Variants in CSMD1 observed in about 807,000 individuals in gnomAD.
The protein encoded by CSMD1 is CUB and sushi domain-containing protein 1.
CSMD1 carries 213 observed loss-of-function variants against 417.5 expected under a neutral mutation model. The ratio of observed to expected loss-of-function variants is 0.51; its 90% CI spans 0.46 to 0.57. CSMD1 has a LOEUF of 0.57. Among genes scored for constraint, CSMD1 ranks in the 20% least tolerant of loss-of-function variants. CSMD1 has a pLI of 0.00. For missense variants in CSMD1, 6,923 were observed against 4,529.7 expected (o/e 1.53, Z -15.17); for synonymous variants, 2,862 against 1,736.8 (o/e 1.65, Z -16.11).
At chr8:3,380,797 G>T (rs1810581594) in intron 18 of CSMD1, among the ~76,000 whole-genome samples, 1 of 152,024 alleles carries the variant, frequency 6.6e-6, no homozygotes, top group African/African-American at 2.4e-5. Context: ...TGTAGATGAT[G>T]GGTTGTTGGG....
At chr8:4,006,764 T>G (rs1025794822) in intron 4 of CSMD1, among the ~76,000 whole-genome samples, 2 of 151,832 alleles carry the variant, frequency 1.3e-5, no homozygotes, top group African/African-American at 4.8e-5. Flanking sequence ...CACTATTTAT[T>G]ACGGCTTATA....
intron 3 of CSMD1, among the ~76,000 whole-genome samples, chr8:4,137,894 T>G (rs1022736362): frequency 1.3e-5 from 2 of 152,006 alleles, no homozygotes; most frequent in African/African-American, 4.8e-5. Flanking sequence ...ATTTATTTAC[T>G]TGAGATGAAG....
intron 3 of CSMD1, among the ~76,000 whole-genome samples, chr8:4,415,535 T>C (rs564922502): frequency 6.6e-6 from 1 of 152,354 alleles, no homozygotes; most frequent in African/African-American, 2.4e-5. Flanking sequence ...CCCTGTTTTA[T>C]AAAGCCGGAA....
chr8:3,461,097 C>G (rs1466696227), intron 12 of CSMD1, among the ~76,000 whole-genome samples: 1 of 152,202 alleles, frequency 6.6e-6, no homozygotes, highest in Non-Finnish European at 1.5e-5. Flanking sequence ...TCACCGCAGA[C>G]TCAGGTCCCA....
intron 5 of CSMD1, among the ~76,000 whole-genome samples, chr8:3,938,053 C>G (rs146660964): frequency 6.6e-6 from 1 of 152,076 alleles, no homozygotes; most frequent in Non-Finnish European, 1.5e-5. Context: ...TAATTGACTT[C>G]CAACAATATT....
intron 26 of CSMD1, among the ~76,000 whole-genome samples, chr8:3,233,346 C>T (rs537996815): frequency 5.9e-5 from 9 of 152,304 alleles, no homozygotes; most frequent in South Asian, 4.1e-4. Flanking sequence ...CCTCGCCAGG[C>T]GATGCCTGCA....
At chr8:4,788,818 A>C (rs1314619068) in intron 1 of CSMD1, among the ~76,000 whole-genome samples, 1 of 152,308 alleles carries the variant, frequency 6.6e-6, no homozygotes, top group African/African-American at 2.4e-5. Context: ...CTTTTGAAAC[A>C]TTTTATACAT....
intron 1 of CSMD1, among the ~76,000 whole-genome samples, chr8:4,739,299 G>T (rs933137973): frequency 2.6e-4 from 39 of 152,166 alleles, no homozygotes; most frequent in African/African-American, 8.0e-4. Flanking sequence ...CAGATTAACA[G>T]AGCATAGCCA....
chr8:4,418,213 A>C (rs17070221), intron 3 of CSMD1, among the ~76,000 whole-genome samples: 26,218 of 152,026 alleles, frequency 0.17, 2,266 homozygotes, highest in East Asian at 0.24. Flanking sequence ...AATACCACAA[A>C]ATCATTTTCT....
chr8:3,708,577 A>G (rs1801312239), intron 6 of CSMD1, 86 bp from the exon 7 acceptor site: 2 of 1,130,114 alleles, frequency 1.8e-6, no homozygotes, highest in South Asian at 2.5e-5. Flanking sequence ...TCCAGTCATA[A>G]CTGCTTTCTA....
Position 4,373,254 on chromosome 8 carries a change from G to A in CSMD1, c.415+46699C>T, listed in dbSNP as rs1296259470. Reference sequence around the variant, plus strand: ...ACCCCAGCCAAGAGGAGCCTACGAAGGTATGATAAGTAAATGTCAAGTGTG... The same window carrying A: ...ACCCCAGCCAAGAGGAGCCTACGAAAGTATGATAAGTAAATGTCAAGTGTG... On this transcript the variant is annotated intron_variant, in intron 3 of 69. Coordinates refer to ENST00000635120, the MANE Select transcript of CSMD1 (RefSeq NM_033225.6). 4.6e-5 allele frequency among the ~76,000 whole-genome samples: 7 copies of A among 152,132 alleles called. No individual in the cohort carries two copies. In the South Asian group the frequency reaches 1.2e-3, roughly 27 times the overall value.
chr8:3,786,579 G>T (rs1004010188), intron 5 of CSMD1, among the ~76,000 whole-genome samples: 1 of 152,162 alleles, frequency 6.6e-6, no homozygotes, highest in Admixed American at 6.5e-5. Flanking sequence ...GCCTAGGATG[G>T]ACAGGAAAAT....
intron 5 of CSMD1, among the ~76,000 whole-genome samples, chr8:3,774,171 G>C (rs1012472247): frequency 6.6e-6 from 1 of 152,116 alleles, no homozygotes; most frequent in Non-Finnish European, 1.5e-5. Flanking sequence ...AAAGCCTTTT[G>C]TGACCTGCAC....
chr8:4,441,023 GAA>G (rs1360921666), intron 2 of CSMD1, among the ~76,000 whole-genome samples: 1 of 136,640 alleles, frequency 7.3e-6, no homozygotes, highest in African/African-American at 2.7e-5. Context: ...AAATATTAAT[GAA>G]AATATATACA....
intron 26 of CSMD1, among the ~76,000 whole-genome samples, chr8:3,275,071 TG>T (rs1216592158): frequency 1.3e-5 from 2 of 152,200 alleles, no homozygotes; most frequent in African/African-American, 4.8e-5. Flanking sequence ...TGGTACCTTT[TG>T]TTCCTTTCCA....
chr8:4,448,617 G>C (rs772302145), intron 2 of CSMD1, among the ~76,000 whole-genome samples: 5 of 152,170 alleles, frequency 3.3e-5, no homozygotes, highest in Admixed American at 6.5e-5. Context: ...ATTAATAAAT[G>C]TAATGGTGGG....
At chr8:4,622,913 T>C (rs1417006500) in intron 2 of CSMD1, among the ~76,000 whole-genome samples, 1 of 152,188 alleles carries the variant, frequency 6.6e-6, no homozygotes, top group African/African-American at 2.4e-5. Flanking sequence ...TTTAGGAAGG[T>C]CACGGAATAC....
chr8:4,029,729 C>A (rs1797245478), intron 4 of CSMD1, among the ~76,000 whole-genome samples: 2 of 152,156 alleles, frequency 1.3e-5, no homozygotes, highest in Admixed American at 1.3e-4. Flanking sequence ...AAAGTCTTAA[C>A]TTATTTCAGC....
intron 3 of CSMD1, among the ~76,000 whole-genome samples, chr8:4,285,495 A>G (rs770199449): frequency 1.3e-5 from 2 of 152,210 alleles, no homozygotes; most frequent in African/African-American, 2.4e-5. Context: ...TTTTCCAAAT[A>G]TAAAGAGGAT....
Sources: allele counts gnomAD v4.1 joint callset (sites outside exome capture counted in the v4.1 genomes callset), GRCh38; gene constraint gnomAD v4.1.1; transcripts MANE v1.5; gene names NCBI Gene and HGNC (gene_info 2026-07-23, HGNC 2026-07-21).